Variants in CDC23 observed in about 807,000 individuals in gnomAD.
CDC23 encodes cell division cycle 23, also known as cell division cycle protein 23 homolog.
Under a neutral mutation model 81.7 loss-of-function variants are expected in CDC23, and 26 were observed. The observed-to-expected ratio is 0.32, with a 90% CI of 0.23 to 0.44. The LOEUF is 0.44. Ranked by LOEUF, CDC23 falls within the 20% of genes least tolerant of loss-of-function variation. The pLI is 1.00. For synonymous variants in CDC23, 267 were observed against 270.8 expected (o/e 0.99, Z 0.14); for missense variants, 519 against 728.0 (o/e 0.71, Z 3.30).
rs985265195 is a variant in CDC23 at position 138,202,239 on chromosome 5, G to A, written c.373-84C>T. ...AACTAGCATCCTGATCCTACCTAAAGGGCCAAGTTCAACCAAAATGGCATC... is the reference window on the plus strand; with the variant it reads ...AACTAGCATCCTGATCCTACCTAAAAGGCCAAGTTCAACCAAAATGGCATC... On this transcript the variant is annotated intron_variant, in intron 3 of 15. Coordinates refer to ENST00000394886, the MANE Select transcript of CDC23 (RefSeq NM_004661.4). The A allele has an allele frequency of 1.1e-5, 11 of 1,007,112 alleles. No homozygotes were observed. In the Admixed American group the frequency reaches 2.5e-4, roughly 23 times the overall value. The allele number at this position is 1,007,112 out of a possible 1,614,324, so 62.4% of individuals were successfully genotyped here. A position where few individuals can be genotyped will look rare whatever the true frequency, so the allele number is the denominator to read the frequency against.
intron 9 of CDC23, 47 bp from the exon 10 acceptor site, chr5:138,192,704 TA>T: frequency 6.4e-7 from 1 of 1,561,502 alleles, no homozygotes; most frequent in Non-Finnish European, 8.7e-7. Flanking sequence ...AAGGTAAAAA[TA>T]AAAGTCCATT....
chr5:138,207,116 G>A (rs1285394314), intron 2 of CDC23, among the ~76,000 whole-genome samples: 1 of 152,048 alleles, frequency 6.6e-6, no homozygotes, highest in Non-Finnish European at 1.5e-5. Flanking sequence ...AGGGCCTCAA[G>A]TGATCTGCCT....
intron 2 of CDC23, among the ~76,000 whole-genome samples, chr5:138,207,760 G>C (rs1303158845): frequency 6.6e-6 from 1 of 151,912 alleles, no homozygotes; most frequent in Non-Finnish European, 1.5e-5. Context: ...GTTCAGGACC[G>C]GCCTGGGCAA....
At chr5:138,212,421 C>T (rs1158814366) in intron 2 of CDC23, among the ~76,000 whole-genome samples, 2 of 152,150 alleles carry the variant, frequency 1.3e-5, no homozygotes, top group African/African-American at 4.8e-5. Flanking sequence ...CGGGTTTAAG[C>T]GATTCTCCTG....
intron 13 of CDC23, among the ~76,000 whole-genome samples, chr5:138,190,871 CAA>C (rs35904455): frequency 9.5e-4 from 136 of 142,710 alleles, no homozygotes; most frequent in Middle Eastern, 3.7e-3. Flanking sequence ...CTATAAATTA[CAA>C]AAAAAAAAAA....
intron 9 of CDC23, among the ~76,000 whole-genome samples, chr5:138,195,580 T>C (rs1378239373): frequency 7.1e-5 from 5 of 70,758 alleles, no homozygotes; most frequent in African/African-American, 2.0e-4. Flanking sequence ...ATATATAATA[T>C]ATTATATATA....
Position 138,213,190 on chromosome 5 carries a change from G to T in CDC23, c.123C>A (p.Gly41=). The change falls in exon 1 of 16, where the codon GGC becomes GGA. Residue 41 remains glycine, a synonymous_variant. Coordinates refer to ENST00000394886, the MANE Select transcript of CDC23 (RefSeq NM_004661.4). ...GTAGTAGGCCCCGCTCCCGGGTAAG[G>T]CCCGCAATAAGCAGCAGTTGCTTTT... ...EIKKQLLLIA[G]LTRERGLLHS... 1 of 1,614,108 alleles carries T rather than the reference G, an allele frequency of 6.2e-7. No homozygotes were observed.
chr5:138,195,611 AT>A lies in CDC23; in HGVS notation c.1012+2587del, dbSNP rs545403487. The stretch of plus-strand genomic sequence containing the variant: ...ATATAATATATATTATATATGATAT[AT>A]TTATATATAAATATAAATATATATA... On this transcript the variant is annotated intron_variant, in intron 9 of 15. Coordinates refer to ENST00000394886, the MANE Select transcript of CDC23 (RefSeq NM_004661.4). Among the ~76,000 whole-genome samples, 1,818 of 117,212 alleles carry A rather than the reference AT, an allele frequency of 0.016. 162 individuals are homozygous for A. The East Asian group carries it at 0.25, about 16-fold the overall frequency. 76.9% of individuals were successfully genotyped at this position (117,212 alleles called of 152,430 possible).
chr5:138,208,232 G>A (rs1274418446), intron 2 of CDC23, among the ~76,000 whole-genome samples: 1 of 152,070 alleles, frequency 6.6e-6, no homozygotes, highest in Non-Finnish European at 1.5e-5. Context: ...TGGGATTACA[G>A]GCACGAGCCA....
At chr5:138,201,029 T>G in intron 6 of CDC23, 78 bp downstream of exon 6, 1 of 1,522,236 alleles carries the variant, frequency 6.6e-7, no homozygotes, top group African/African-American at 1.4e-5. Flanking sequence ...CTGCCAAAAC[T>G]TTCCCCACCC....
In CDC23 at chr5:138,201,374, C is replaced by G. The variant is rs751300057; in HGVS notation, c.490G>C (p.Ala164Pro). 1.2e-6 allele frequency: 2 copies of G among 1,614,114 alleles called. No homozygotes were observed. Among genetic ancestry groups the G allele is most frequent in the Non-Finnish European group, 1.7e-6 (2 of 1,180,016 alleles). The stretch of plus-strand genomic sequence containing the variant: ...AGTCCAAATCCATCAAGTTCTCGAG[C>G]TTGGTGTTTTTTGCTGAGCTCCACT... ...LRVELSKKHQ[A>P]RELDGFGLYL... Residue 164 changes from alanine to proline, a missense_variant, in exon 5 of 16, where the codon GCT becomes CCT. Transcript: ENST00000394886.
At position 138,212,984 on chromosome 5, in the gene CDC23, T is replaced by A; in HGVS notation, c.234+7A>T. 6.2e-7 allele frequency: 1 copy of A among 1,613,290 alleles called. No homozygotes were observed. Among genetic ancestry groups the A allele is most frequent in the South Asian group, 1.1e-5 (1 of 91,066 alleles). On this transcript the variant is annotated splice_region_variant and intron_variant, in intron 2 of 15. Transcript: ENST00000394886. Reference sequence around the variant, plus strand: ...ATGGGGAGCGCTCACTGTAAACATGTCCTTACCTCTGTAATAGGCGGAGGC... The same window carrying A: ...ATGGGGAGCGCTCACTGTAAACATGACCTTACCTCTGTAATAGGCGGAGGC...
rs1197121963 is a variant in CDC23, at chr5:138,188,826, T to C, written c.*152A>G. On this transcript the variant is annotated 3_prime_UTR_variant, in exon 16 of 16. Transcript: ENST00000394886. ...TGCCAGGATTCTGTCAGTTGGCCTC[T>C]GAAGGTAATTATACAAGCTGTCCCT... is the stretch of plus-strand genomic sequence containing the variant. 1.7e-6 allele frequency: 1 copy of C among 595,906 alleles called. No homozygotes were observed. Among genetic ancestry groups the C allele is most frequent in the East Asian group, 3.2e-5 (1 of 31,696 alleles). 36.9% of individuals were successfully genotyped at this position (595,906 alleles called of 1,614,324 possible). A position where few individuals can be genotyped will look rare whatever the true frequency, so the allele number is the denominator to read the frequency against.
chr5:138,202,117 G>C lies in CDC23; in HGVS notation c.411C>G (p.Ser137Arg), dbSNP rs1353187171. ...EKKKDDETVD[S>R]LGPLEKGQVK... ...GTAAAAGAAAAAAATTCGTACCTAA[G>C]CTATCAACTGTTTCATCGTCCTTCT... Residue 137 changes from serine to arginine, a missense_variant, in exon 4 of 16, where the codon AGC becomes AGG. Ser to Arg is a moderately radical substitution (Grantham distance 110). This residue lies in a region of CDC23 where 180 missense variants were observed against 239.3 expected (regional missense o/e 0.75). Coordinates refer to ENST00000394886, the MANE Select transcript of CDC23 (RefSeq NM_004661.4). 2 of 1,610,556 alleles carry C rather than the reference G, an allele frequency of 1.2e-6. No homozygotes were observed. Among genetic ancestry groups the C allele is most frequent in the Admixed American group, 3.4e-5 (2 of 59,474 alleles).
At chr5:138,192,227 GC>G in intron 11 of CDC23, 41 bp downstream of exon 11, 1 of 1,610,440 alleles carries the variant, frequency 6.2e-7, no homozygotes, top group Non-Finnish European at 8.5e-7. Context: ...AAAGTTATTA[GC>G]CCTTCCCATA....
chr5:138,211,299 T>G (rs778792278), intron 2 of CDC23, among the ~76,000 whole-genome samples: 1 of 152,072 alleles, frequency 6.6e-6, no homozygotes, highest in Non-Finnish European at 1.5e-5. Context: ...CACTTACAAG[T>G]GGAAGCTGAT....
chr5:138,191,985 A>G, intron 11 of CDC23, 48 bp from the exon 12 acceptor site: 1 of 1,534,976 alleles, frequency 6.5e-7, no homozygotes, highest in African/African-American at 1.4e-5. Flanking sequence ...ACAGAAACTG[A>G]AGTTCTCTTT....
At position 138,206,605 on chromosome 5, in the gene CDC23, A is replaced by C. The variant is rs1424194445; in HGVS notation, c.314T>G (p.Phe105Cys). 3.1e-6 allele frequency: 5 copies of C among 1,613,946 alleles called. No homozygotes were observed. Among genetic ancestry groups the C allele is most frequent in the East Asian group, 2.2e-5 (1 of 44,892 alleles). Residue 105 changes from phenylalanine to cysteine, a missense_variant, in exon 3 of 16, where the codon TTC (phenylalanine) becomes TGC (cysteine). Phe to Cys is a radical substitution (Grantham distance 205, BLOSUM62 -2). Around this residue, in one of 4 missense-constraint regions of CDC23, gnomAD observed 180 missense variants for 239.3 expected, o/e 0.75. Transcript: ENST00000394886. ...DVKEYDRAAH[F>C]LHGCNSKKAY... ...TTTCTTGCTATTGCAGCCATGCAGG[A>C]AATGTGCTGCCCGATCATACTCTTT...
At chr5:138,196,264 T>G (rs1474313519) in intron 9 of CDC23, among the ~76,000 whole-genome samples, 1 of 151,958 alleles carries the variant, frequency 6.6e-6, no homozygotes, top group Non-Finnish European at 1.5e-5. Context: ...AAAAAGAAGC[T>G]TCTTAATAAT....
Sources: gnomAD v4.1 joint callset for allele counts (sites outside exome capture counted in the v4.1 genomes callset) on GRCh38, gnomAD v4.1.1 for gene constraint, gnomAD v4.1.1 regional missense constraint, MANE v1.5 for transcripts, NCBI Gene and HGNC (gene_info 2026-07-23, HGNC 2026-07-21) for gene names.